The following ST7L variants were observed in gnomAD, a reference collection of about 807,000 sequenced individuals.
The protein encoded by ST7L is suppression of tumorigenicity 7 like, also known as suppressor of tumorigenicity 7 protein-like.
Under a neutral mutation model 72.5 loss-of-function variants are expected in ST7L, and 57 were observed. The observed-to-expected ratio is 0.79, with a 90% CI of 0.64 to 0.98. ST7L has a LOEUF of 0.98. Among genes scored for constraint, ST7L ranks in the 50% least tolerant of loss-of-function variants. The pLI is 0.00. For synonymous variants in ST7L, 221 were observed against 240.9 expected (o/e 0.92, Z 0.77); for missense variants, 576 against 672.2 (o/e 0.86, Z 1.58).
intron 3 of ST7L, among the ~76,000 whole-genome samples, chr1:112,609,166 AAAT>A (rs1323112958): frequency 6.6e-6 from 1 of 151,914 alleles, no homozygotes; most frequent in Non-Finnish European, 1.5e-5. Flanking sequence ...ATCTCTATTA[AAAT>A]AATAATAATA....
chr1:112,614,559 T>C (rs12122980), intron 2 of ST7L, among the ~76,000 whole-genome samples: 30,240 of 152,110 alleles, frequency 0.2, 3,852 homozygotes, highest in East Asian at 0.47. Context: ...GCATTTCACT[T>C]TAACAAAATG....
intron 9 of ST7L, among the ~76,000 whole-genome samples, chr1:112,579,589 T>G (rs1663778455): frequency 6.6e-6 from 1 of 152,092 alleles, no homozygotes; most frequent in African/African-American, 2.4e-5. Context: ...TTTATTTTTC[T>G]TAAATTATTA....
chr1:112,519,972 C>T (rs1423169232), downstream of ST7L, among the ~76,000 whole-genome samples: 4 of 151,050 alleles, frequency 2.6e-5, no homozygotes, highest in Admixed American at 6.6e-5. Flanking sequence ...CTCCCAGCCT[C>T]GTGTTACTTT....
chr1:112,618,165 C>T, intron 1 of ST7L: 1 of 1,250,828 alleles, frequency 8.0e-7, no homozygotes, highest in Admixed American at 2.6e-5. Flanking sequence ...GGTAAGGGGA[C>T]CTGGGCCCTA....
At position 112,555,875 on chromosome 1, in the gene ST7L, C is replaced by T; in HGVS notation, c.1389G>A (p.Trp463Ter). The change falls in exon 12 of 15, where the codon TGG becomes TGA. Residue 463 changes from tryptophan (W) to a stop codon, truncating the protein, a stop_gained. Transcript: ENST00000358039. LOFTEE classifies it high-confidence loss of function. ...EGALNLLQCT[W>*]EGTFRMIPYP... is the part of the protein sequence containing the mutation. ...TTGGAAAAGAATACTTACTGCCTTC[C>T]CATGTACACTGTAACAGATTAAGAG... 1 of 1,557,310 alleles carries T rather than the reference C, an allele frequency of 6.4e-7. No homozygotes were observed. Among genetic ancestry groups the T allele is most frequent in the Non-Finnish European group, 8.7e-7 (1 of 1,150,466 alleles).
chr1:112,587,111 G>A (rs1664982980), intron 6 of ST7L, among the ~76,000 whole-genome samples: 1 of 152,116 alleles, frequency 6.6e-6, no homozygotes, highest in South Asian at 2.1e-4. Context: ...ATGATGATTT[G>A]TCCCTATGCT....
intron 14 of ST7L, among the ~76,000 whole-genome samples, chr1:112,532,140 A>G (rs1194805568): frequency 6.6e-6 from 1 of 152,236 alleles, no homozygotes; most frequent in Non-Finnish European, 1.5e-5. Flanking sequence ...TAATAAATAA[A>G]AAACATCCAG....
chr1:112,583,596 G>C (rs1294580799), intron 7 of ST7L, among the ~76,000 whole-genome samples: 1 of 152,212 alleles, frequency 6.6e-6, no homozygotes, highest in Non-Finnish European at 1.5e-5. Context: ...TACCTCTACT[G>C]TTGCTTAGAG....
intron 14 of ST7L, among the ~76,000 whole-genome samples, chr1:112,534,240 ATC>A (rs1654835941): frequency 6.6e-6 from 1 of 152,192 alleles, no homozygotes; most frequent in Non-Finnish European, 1.5e-5. Context: ...CAGCATTACT[ATC>A]TCTGGTATGA....
chr1:112,556,259 G>A (rs920388127), intron 11 of ST7L, among the ~76,000 whole-genome samples: 1 of 152,072 alleles, frequency 6.6e-6, no homozygotes, highest in Non-Finnish European at 1.5e-5. Flanking sequence ...GCATATGTGT[G>A]GCCTGGCTAA....
chr1:112,618,292 G>C, intron 1 of ST7L: 3 of 1,030,974 alleles, frequency 2.9e-6, no homozygotes, highest in Non-Finnish European at 3.5e-6. Context: ...GTGTTCTACA[G>C]ACGTCGAAAG....
chr1:112,533,509 G>C (rs1177432507), intron 14 of ST7L, among the ~76,000 whole-genome samples: 2 of 151,960 alleles, frequency 1.3e-5, no homozygotes, highest in African/African-American at 4.8e-5. Context: ...TAGAGACGCG[G>C]TTTCACCATG....
chr1:112,607,888 A>G (rs368449140), intron 3 of ST7L, among the ~76,000 whole-genome samples: 12 of 152,350 alleles, frequency 7.9e-5, no homozygotes, highest in Admixed American at 5.2e-4. Flanking sequence ...AGTTTAAAAG[A>G]GAACTTGGGG....
At position 112,569,741 on chromosome 1, in the gene ST7L, G is replaced by A. The variant is rs144870594; in HGVS notation, c.1245+7245C>T. Among the ~76,000 whole-genome samples, 861 of 152,218 alleles carry A rather than the reference G, an allele frequency of 5.7e-3. 5 individuals carry two copies. Among genetic ancestry groups the A allele is most frequent in the African/African-American group, 0.019 (775 of 41,564 alleles). ...TGGGAGGCCGAGGCGGGTGGATCACGAGGTCAGGAGATCAAGACCACCCTG... is the reference window on the plus strand; with the variant it reads ...TGGGAGGCCGAGGCGGGTGGATCACAAGGTCAGGAGATCAAGACCACCCTG... On this transcript the variant is annotated intron_variant, in intron 11 of 14. Transcript: ENST00000358039.
At chr1:112,608,771 T>C (rs1300710226) in intron 3 of ST7L, among the ~76,000 whole-genome samples, 8 of 152,186 alleles carry the variant, frequency 5.3e-5, no homozygotes, top group Non-Finnish European at 1.2e-4. Flanking sequence ...TTCCTTCTTG[T>C]ACTCTTGAAT....
Position 112,605,663 on chromosome 1 carries a change from C to T in ST7L, c.452-4815G>A, listed in dbSNP as rs550181654. Among the ~76,000 whole-genome samples, 99 of 152,086 alleles carry T rather than the reference C, an allele frequency of 6.5e-4. 1 individual carries two copies. The highest frequency in any genetic ancestry group is 8.1e-4 in the Non-Finnish European group (55 of 68,014). ...CGAGATCACGCCACTGCACTCCAGC[C>T]TGGGCAACAGAGCAAGACTCTGTCT... On this transcript the variant is annotated intron_variant, in intron 3 of 14. Transcript: ENST00000358039.
intron 3 of ST7L, among the ~76,000 whole-genome samples, chr1:112,603,787 T>C (rs1388818587): frequency 2.0e-5 from 3 of 152,226 alleles, no homozygotes; most frequent in Admixed American, 6.5e-5. Flanking sequence ...AACTGAGTTC[T>C]TGTTGTGTTC....
chr1:112,616,076 C>G (rs1362844249), intron 2 of ST7L, among the ~76,000 whole-genome samples: 1 of 152,122 alleles, frequency 6.6e-6, no homozygotes, highest in Admixed American at 6.6e-5. Context: ...AATTGAAAAA[C>G]CTGGTAATAC....
intron 4 of ST7L, among the ~76,000 whole-genome samples, chr1:112,599,087 T>A (rs866281019): frequency 0.047 from 3,016 of 64,202 alleles, 386 homozygotes; most frequent in Admixed American, 0.13. Flanking sequence ...TATATATATA[T>A]ATATATATAT....
Sources: allele counts gnomAD v4.1 joint callset (sites outside exome capture counted in the v4.1 genomes callset), GRCh38; gene constraint gnomAD v4.1.1; transcripts MANE v1.5; gene names NCBI Gene and HGNC (gene_info 2026-07-23, HGNC 2026-07-21).